DOCK2: variants seen among roughly 807,000 people sequenced by gnomAD.
DOCK2 encodes dedicator of cytokinesis protein 2.
A neutral mutation model predicts 248.9 loss-of-function variants in DOCK2; 87 were observed. The ratio of observed to expected loss-of-function variants is 0.35; its 90% CI spans 0.29 to 0.42. DOCK2 has a LOEUF of 0.42. Ranked by LOEUF, DOCK2 falls within the 10% of genes least tolerant of loss-of-function variation. The pLI, the probability that DOCK2 is intolerant of heterozygous loss-of-function variation, is 1.00. For missense variants in DOCK2, 1,747 were observed against 2,300.2 expected, an observed-to-expected ratio of 0.76 and a Z score of 4.92; for synonymous variants, 805 against 821.6, an observed-to-expected ratio of 0.98 and a Z score of 0.35.
chr5:169,987,437 T>C (rs887363047), intron 29 of DOCK2, among the ~76,000 whole-genome samples: 2 of 152,168 alleles, frequency 1.3e-5, no homozygotes, highest in Admixed American at 1.3e-4. Flanking sequence ...GAGTAGTTCT[T>C]CAAAGGAAAA....
chr5:169,764,893 G>A lies in DOCK2; in HGVS notation c.2554+3268G>A, dbSNP rs1485832530. ...GTTGTTTTCAATTTTTATTGCCCTA[G>A]AATGTTTTTGTAAAGGGGCCATGTT... On this transcript the variant is annotated intron_variant, in intron 25 of 51. Coordinates refer to ENST00000520908, the MANE Select transcript of DOCK2 (RefSeq NM_004946.3). This position sits in a 1 kb window ranked among gnomAD's most constrained non-coding sequence, Gnocchi z 4.3. Among the ~76,000 whole-genome samples, 1 of 148,748 alleles carries A rather than the reference G, an allele frequency of 6.7e-6. No homozygotes were observed. The highest frequency in any genetic ancestry group is 1.5e-5 in the Non-Finnish European group (1 of 67,962).
intron 27 of DOCK2, among the ~76,000 whole-genome samples, chr5:169,908,713 CTTTT>C (rs34261104): frequency 6.7e-5 from 7 of 105,068 alleles, no homozygotes; most frequent in Admixed American, 3.2e-4. Flanking sequence ...TTTCTTTTTT[CTTTT>C]TTTTTTTTTT....
intron 40 of DOCK2, among the ~76,000 whole-genome samples, chr5:170,048,213 G>A (rs922255766): frequency 6.6e-6 from 1 of 152,078 alleles, no homozygotes; most frequent in African/African-American, 2.4e-5. Context: ...GTAACACGGT[G>A]AAACCCTGCC....
intron 27 of DOCK2, among the ~76,000 whole-genome samples, chr5:169,971,188 CA>C (rs34023676): frequency 2.7e-4 from 39 of 143,742 alleles, no homozygotes; most frequent in East Asian, 1.0e-3. Flanking sequence ...GAAAGAAAGG[CA>C]AAAAAAAAAA....
At chr5:170,050,656 T>G (rs1756881215) in intron 41 of DOCK2, among the ~76,000 whole-genome samples, 1 of 152,240 alleles carries the variant, frequency 6.6e-6, no homozygotes, top group South Asian at 2.1e-4. Context: ...AGTGCATGAA[T>G]GTGAGCTAGA....
chr5:169,827,850 A>C (rs1462998846), intron 26 of DOCK2, among the ~76,000 whole-genome samples: 10 of 147,666 alleles, frequency 6.8e-5, no homozygotes, highest in African/African-American at 2.4e-4. Context: ...CATTGGTGAC[A>C]ATTAGAAAAC....
chr5:169,928,782 G>A (rs745790283), intron 27 of DOCK2, among the ~76,000 whole-genome samples: 4 of 152,174 alleles, frequency 2.6e-5, no homozygotes, highest in Non-Finnish European at 5.9e-5. Context: ...AGCAACCACA[G>A]CCCAATAATG....
intron 27 of DOCK2, among the ~76,000 whole-genome samples, chr5:169,887,371 GA>G (rs1026198080): frequency 6.6e-6 from 1 of 152,074 alleles, no homozygotes; most frequent in African/African-American, 2.4e-5. Flanking sequence ...ACAAAAGGAA[GA>G]AAAAAATCAC....
At chr5:170,081,325 C>T (rs181373283) in intron 50 of DOCK2, 1 of 156,104 alleles carries the variant, frequency 6.4e-6, no homozygotes, top group East Asian at 1.9e-4. Context: ...GGTCTGGGCT[C>T]TTTCTCCCAT....
intron 44 of DOCK2, among the ~76,000 whole-genome samples, chr5:170,058,938 A>T (rs1757230369): frequency 6.6e-6 from 1 of 152,152 alleles, no homozygotes; most frequent in African/African-American, 2.4e-5. Context: ...ATAGCAAAAA[A>T]CATTGTTTTG....
At position 169,995,373 on chromosome 5, in the gene DOCK2, G is replaced by T. The variant is rs568907164; in HGVS notation, c.2994-713G>T. 2.0e-5 allele frequency among the ~76,000 whole-genome samples: 3 copies of T among 152,244 alleles called. No homozygotes were observed. The East Asian group carries it at 5.8e-4, about 29-fold the overall frequency. On this transcript the variant is annotated intron_variant, in intron 29 of 51. Transcript: ENST00000520908. ...CTTGGAGGAGAACAGTGGAGAAGGGGTATATATAGGAGGTATTTGATATAC... is the reference window on the plus strand; with the variant it reads ...CTTGGAGGAGAACAGTGGAGAAGGGTTATATATAGGAGGTATTTGATATAC...
At chr5:169,949,847 T>C (rs1010461652) in intron 27 of DOCK2, among the ~76,000 whole-genome samples, 1 of 151,856 alleles carries the variant, frequency 6.6e-6, no homozygotes, top group Non-Finnish European at 1.5e-5. Context: ...GGTTTCATTT[T>C]TGAAGTGGCA....
chr5:170,049,474 C>G (rs1269122908), intron 40 of DOCK2, among the ~76,000 whole-genome samples: 2 of 152,138 alleles, frequency 1.3e-5, no homozygotes, highest in African/African-American at 4.8e-5. Context: ...TTTGGAAGCA[C>G]TGATATGTAG....
chr5:169,723,768 T>C (rs1762327770), intron 22 of DOCK2, among the ~76,000 whole-genome samples: 1 of 152,214 alleles, frequency 6.6e-6, no homozygotes, highest in South Asian at 2.1e-4. Flanking sequence ...GATTTCTCTC[T>C]TCCTTTTGAT....
At chr5:169,990,033 T>G (rs931823758) in intron 29 of DOCK2, among the ~76,000 whole-genome samples, 9 of 152,034 alleles carry the variant, frequency 5.9e-5, no homozygotes, top group African/African-American at 2.2e-4. Flanking sequence ...TATTCGTTTT[T>G]GGGGTCCCCA....
chr5:169,846,420 A>G (rs1770308370), intron 27 of DOCK2, among the ~76,000 whole-genome samples: 1 of 152,192 alleles, frequency 6.6e-6, no homozygotes, highest in South Asian at 2.1e-4. Context: ...ACAAATGAGC[A>G]AAAGGGAATT....
chr5:169,654,936 A>G (rs1478360715), intron 2 of DOCK2, among the ~76,000 whole-genome samples: 2 of 152,246 alleles, frequency 1.3e-5, no homozygotes, highest in Non-Finnish European at 2.9e-5. Flanking sequence ...CCCCTCCCCA[A>G]GCTGGGAGCC....
intron 22 of DOCK2, among the ~76,000 whole-genome samples, chr5:169,727,742 A>G (rs1278506446): frequency 1.3e-5 from 2 of 152,248 alleles, no homozygotes; most frequent in Non-Finnish European, 2.9e-5. Context: ...GATATCATTT[A>G]TAAATAAATA....
chr5:169,658,111 G>A (rs1007881338), intron 2 of DOCK2, among the ~76,000 whole-genome samples: 1 of 152,078 alleles, frequency 6.6e-6, no homozygotes, highest in African/African-American at 2.4e-5. Context: ...AAGTTTTCAG[G>A]AAATCTTTTT....
Sources: gnomAD v4.1 joint callset for allele counts (sites outside exome capture counted in the v4.1 genomes callset) on GRCh38, gnomAD v4.1.1 for gene constraint, Gnocchi (gnomAD v3.1) non-coding constraint, MANE v1.5 for transcripts, NCBI Gene and HGNC (gene_info 2026-07-23, HGNC 2026-07-21) for gene names.